Variants in TMLHE observed in about 807,000 individuals in gnomAD.
TMLHE encodes trimethyllysine hydroxylase, epsilon.
In TMLHE, 18 loss-of-function variants were observed where a neutral mutation model predicts 25.7. That is an observed-to-expected ratio of 0.70 (90% confidence interval 0.48 to 1.04). The LOEUF (loss-of-function observed/expected upper bound fraction) is 1.04, where lower values mean the gene tolerates loss of function less well. Ranked by LOEUF, TMLHE falls within the 50% of genes least tolerant of loss-of-function variation. TMLHE has a pLI of 0.00. For missense variants in TMLHE, 236 were observed against 259.0 expected (o/e 0.91, Z 0.61); for synonymous variants, 105 against 97.0 (o/e 1.08, Z -0.49).
At chrX:155,514,691 G>C (rs1028328189) in intron 3 of TMLHE, among the ~76,000 whole-genome samples, 3 of 110,619 alleles carry the variant, frequency 2.7e-5, no homozygotes, top group Non-Finnish European at 5.7e-5. Flanking sequence ...TTTACAGATG[G>C]AGAAAAAGTC....
chrX:155,541,675 G>A (rs782622463), intron 2 of TMLHE, among the ~76,000 whole-genome samples: 27 of 111,611 alleles, frequency 2.4e-4, no homozygotes, highest in African/African-American at 6.2e-4. Context: ...CTGTAAAAGC[G>A]TTCCTATTTC....
At chrX:155,512,249 G>T (rs1403575495) in intron 4 of TMLHE, among the ~76,000 whole-genome samples, 1 of 108,576 alleles carries the variant, frequency 9.2e-6, no homozygotes, top group Non-Finnish European at 1.9e-5. Context: ...CATGTGCCAT[G>T]CTGGTGCGCT....
chrX:155,577,676 T>C (rs1557343995), intron 1 of TMLHE, among the ~76,000 whole-genome samples: 2 of 111,572 alleles, frequency 1.8e-5, no homozygotes, highest in East Asian at 2.8e-4. Context: ...GTAGCTAGTA[T>C]ATGCCCCTTC....
intron 2 of TMLHE, among the ~76,000 whole-genome samples, chrX:155,541,091 G>A (rs2067307658): frequency 9.1e-6 from 1 of 109,956 alleles, no homozygotes; most frequent in Non-Finnish European, 1.9e-5. Context: ...TACATGTGCA[G>A]AACATGCAGG....
chrX:155,547,979 A>C (rs1264478084), intron 1 of TMLHE, among the ~76,000 whole-genome samples: 2 of 111,498 alleles, frequency 1.8e-5, no homozygotes, highest in Non-Finnish European at 3.8e-5. Flanking sequence ...ATTTCCCATA[A>C]TCTCACTACT....
chrX:155,548,954 G>C (rs1557339549), intron 1 of TMLHE, among the ~76,000 whole-genome samples: 2 of 110,468 alleles, frequency 1.8e-5, no homozygotes, highest in African/African-American at 3.3e-5. Flanking sequence ...TCTGACAATA[G>C]CAAGTATAGA....
At chrX:155,529,745 A>T (rs782261703) in intron 2 of TMLHE, among the ~76,000 whole-genome samples, 2 of 112,355 alleles carry the variant, frequency 1.8e-5, no homozygotes, top group African/African-American at 6.5e-5. Context: ...AATTTTGGAT[A>T]TGAACCCCTT....
intron 1 of TMLHE, among the ~76,000 whole-genome samples, chrX:155,573,890 G>A (rs1321871504): frequency 2.1e-5 from 2 of 93,906 alleles, no homozygotes; most frequent in Non-Finnish European, 4.2e-5. Context: ...GCTAAATGAC[G>A]AGTTAATGGG....
intron 2 of TMLHE, among the ~76,000 whole-genome samples, chrX:155,535,197 A>G (rs1406137289): frequency 8.9e-6 from 1 of 112,228 alleles, no homozygotes; most frequent in Non-Finnish European, 1.9e-5. Context: ...CATGGGACAG[A>G]GATTGTACAT....
intron 2 of TMLHE, among the ~76,000 whole-genome samples, chrX:155,542,721 TC>T (rs2067320021): frequency 9.0e-6 from 1 of 111,599 alleles, no homozygotes; most frequent in South Asian, 3.7e-4. Flanking sequence ...TTGGTAGTTG[TC>T]CCCCCTTTAA....
intron 4 of TMLHE, among the ~76,000 whole-genome samples, chrX:155,512,520 A>C (rs1557333858): frequency 9.0e-6 from 1 of 110,775 alleles, no homozygotes; most frequent in Non-Finnish European, 1.9e-5. Flanking sequence ...ATGGCTGCAT[A>C]GTATTCCATG....
At chrX:155,551,889 G>C (rs1557340110) in intron 1 of TMLHE, among the ~76,000 whole-genome samples, 2 of 110,017 alleles carry the variant, frequency 1.8e-5, no homozygotes. Context: ...AGATGGTTTT[G>C]TAAATAACCT....
intron 1 of TMLHE, among the ~76,000 whole-genome samples, chrX:155,607,122 C>T (rs187751999): frequency 2.0e-3 from 227 of 111,552 alleles, no homozygotes; most frequent in African/African-American, 7.3e-3. Context: ...TTCTTTGAGG[C>T]CAGTATCATG....
At chrX:155,535,352 TC>T (rs1451054277) in intron 2 of TMLHE, among the ~76,000 whole-genome samples, 2 of 112,377 alleles carry the variant, frequency 1.8e-5, no homozygotes, top group Non-Finnish European at 3.8e-5. Context: ...AGATGAGGGT[TC>T]CAGGCCATTT....
At chrX:155,594,391 GA>G (rs1389223721) in intron 1 of TMLHE, among the ~76,000 whole-genome samples, 2 of 110,932 alleles carry the variant, frequency 1.8e-5, no homozygotes, top group African/African-American at 6.5e-5. Context: ...TTAAAAAAAA[GA>G]AAAAAATGAG....
At chrX:155,609,203 C>A (rs2067804751) in intron 1 of TMLHE, among the ~76,000 whole-genome samples, 1 of 112,085 alleles carries the variant, frequency 8.9e-6, no homozygotes, top group Non-Finnish European at 1.9e-5. Flanking sequence ...GAATACTATG[C>A]AGCCACAAAA....
intron 1 of TMLHE, among the ~76,000 whole-genome samples, chrX:155,548,855 G>C (rs1026233499): frequency 1.4e-4 from 16 of 110,591 alleles, no homozygotes; most frequent in Non-Finnish European, 3.0e-4. Context: ...AATTCATGAA[G>C]AGATGTTCAA....
chrX:155,548,701 C>G (rs1196103161), intron 1 of TMLHE, among the ~76,000 whole-genome samples: 2 of 107,293 alleles, frequency 1.9e-5, no homozygotes, highest in Non-Finnish European at 3.8e-5. Flanking sequence ...TGCCACTGCA[C>G]TCCAGCCTGG....
intron 1 of TMLHE, among the ~76,000 whole-genome samples, chrX:155,550,405 C>T (rs1404179233): frequency 1.8e-5 from 2 of 110,852 alleles, no homozygotes; most frequent in African/African-American, 6.7e-5. Flanking sequence ...GGTCTACTTG[C>T]TTGCTTGCTT....
Sources: allele counts gnomAD v4.1 joint callset (sites outside exome capture counted in the v4.1 genomes callset), GRCh38; gene constraint gnomAD v4.1.1; transcripts MANE v1.5; gene names NCBI Gene and HGNC (gene_info 2026-07-23, HGNC 2026-07-21).